CNDP2: variants seen among roughly 807,000 people sequenced by gnomAD.
The protein encoded by CNDP2 is cytosolic non-specific dipeptidase.
CNDP2 carries 38 observed loss-of-function variants against 55.0 expected under a neutral mutation model. The observed-to-expected ratio is 0.69, with a 90% CI of 0.53 to 0.90. The LOEUF is 0.90. CNDP2 is among the 40% of genes least tolerant of loss of function. CNDP2 has a pLI of 0.00. For missense variants in CNDP2, 607 were observed against 621.7 expected, an observed-to-expected ratio of 0.98 and a Z score of 0.25; for synonymous variants, 241 against 260.2, an observed-to-expected ratio of 0.93 and a Z score of 0.71.
At chr18:74,510,475 C>T (rs79005378) in intron 5 of CNDP2, among the ~76,000 whole-genome samples, 3,243 of 152,282 alleles carry the variant, frequency 0.021, 55 homozygotes, top group Non-Finnish European at 0.033. Context: ...CGCACCTCCT[C>T]GTGTCGGTGG....
intron 5 of CNDP2, among the ~76,000 whole-genome samples, chr18:74,510,606 C>T (rs1054539628): frequency 3.9e-5 from 6 of 152,180 alleles, no homozygotes; most frequent in African/African-American, 1.4e-4. Context: ...CCAGAGAGCC[C>T]CACCTTGCGA....
intron 10 of CNDP2, 124 bp from the exon 11 acceptor site, chr18:74,518,825 C>A: frequency 6.8e-7 from 1 of 1,472,924 alleles, no homozygotes; most frequent in Non-Finnish European, 9.3e-7. Context: ...ACCTTGAACG[C>A]GGGCTTGCTG....
At chr18:74,518,668 C>A (rs771247384) in intron 10 of CNDP2, 28 bp downstream of exon 10, 2 of 1,613,224 alleles carry the variant, frequency 1.2e-6, no homozygotes, top group Admixed American at 1.7e-5. Flanking sequence ...TGGATGATGC[C>A]GCGCAGGGCC....
At chr18:74,501,117 C>A in intron 2 of CNDP2, 1 of 1,077,208 alleles carries the variant, frequency 9.3e-7, no homozygotes, top group Non-Finnish European at 1.2e-6. Flanking sequence ...GAGTGTAAAA[C>A]AATATGAGAG....
Position 74,521,766 on chromosome 18 carries a change from A to G in CNDP2, c.*1698A>G, listed in dbSNP as rs1980061241. The G allele has an allele frequency of 1.3e-5, 2 of 152,206 alleles. No homozygotes were observed. The allele number at this position is 152,206 out of a possible 1,614,324, so 9.4% of individuals were successfully genotyped here. On this transcript the variant is annotated 3_prime_UTR_variant, in exon 12 of 12. Transcript: ENST00000324262. ...GAAGGTGGGAGATCAAAGCTGGAGC[A>G]CTTGCTGCTGCAGGTGAGACCCCTG...
rs1215854684 is a variant in CNDP2, at chr18:74,508,946, A to G, written c.456+18A>G. ...CAGGCCAGGTATGCCCCCCACGCTG[A>G]CTTCTGCCTGAGTCCTGGGTTCCAT... On this transcript the variant is annotated intron_variant, in intron 5 of 11. Transcript: ENST00000324262. 6.2e-7 allele frequency: 1 copy of G among 1,608,620 alleles called. No homozygotes were observed. The highest frequency in any genetic ancestry group is 2.2e-5 in the East Asian group (1 of 44,838).
intron 4 of CNDP2, among the ~76,000 whole-genome samples, chr18:74,506,729 T>C (rs1979048677): frequency 6.6e-6 from 1 of 152,238 alleles, no homozygotes; most frequent in African/African-American, 2.4e-5. Context: ...GCGATGTCCC[T>C]GTTATTCACC....
At chr18:74,508,004 G>A (rs1483964416) in intron 4 of CNDP2, 1 of 152,296 alleles carries the variant, frequency 6.6e-6, no homozygotes, top group African/African-American at 2.4e-5. Flanking sequence ...TTCCCCAGGT[G>A]GTGATGACTT....
At chr18:74,511,731 G>A (rs1163994619) in intron 6 of CNDP2, among the ~76,000 whole-genome samples, 13 of 151,226 alleles carry the variant, frequency 8.6e-5, no homozygotes, top group Admixed American at 4.0e-4. Flanking sequence ...AAGAGAAACC[G>A]AGGCAGCACC....
chr18:74,501,205 C>T (rs770358689), intron 2 of CNDP2, 124 bp from the exon 3 acceptor site: 5 of 1,461,130 alleles, frequency 3.4e-6, no homozygotes, highest in Non-Finnish European at 4.5e-6. Flanking sequence ...GTCCTATTTC[C>T]AATCAGCCTG....
At chr18:74,509,222 G>C (rs1370999396) in intron 5 of CNDP2, 1 of 394,724 alleles carries the variant, frequency 2.5e-6, no homozygotes, top group African/African-American at 2.0e-5. Context: ...GCCTGTCTCT[G>C]TGAGTGTGGT....
At chr18:74,501,191 G>A in intron 2 of CNDP2, 138 bp from the exon 3 acceptor site, 1 of 1,440,534 alleles carries the variant, frequency 6.9e-7, no homozygotes. Context: ...CACGTGATGG[G>A]TCTGTCCTAT....
rs1979479980 is a variant in CNDP2, at chr18:74,513,603, A to G, written c.787A>G (p.Asn263Asp). Residue 263 changes from asparagine to aspartate, a missense_variant, in exon 8 of 12, where the codon AAC becomes GAC. Physicochemically the swap from Asn to Asp is conservative, Grantham distance 23 (BLOSUM62 1). Coordinates refer to ENST00000324262, the MANE Select transcript of CNDP2 (RefSeq NM_018235.3). ...GGGGAACATCCTGATCCCCGGCATTAACGAGGCCGTGGCCGCCGTCACGGA... is the reference window on the plus strand; with the variant it reads ...GGGGAACATCCTGATCCCCGGCATTGACGAGGCCGTGGCCGCCGTCACGGA... ...KRGNILIPGI[N>D]EAVAAVTEEE... The G allele has an allele frequency of 1.2e-6, 2 of 1,613,938 alleles. No homozygotes were observed. Among genetic ancestry groups the G allele is most frequent in the African/African-American group, 2.7e-5 (2 of 75,054 alleles).
At chr18:74,502,726 C>T (rs1411428810) in intron 3 of CNDP2, among the ~76,000 whole-genome samples, 5 of 152,084 alleles carry the variant, frequency 3.3e-5, no homozygotes, top group South Asian at 2.1e-4. Flanking sequence ...TGGCTTATCT[C>T]GGTTCTTTGG....
At position 74,506,027 on chromosome 18, in the gene CNDP2, C is replaced by A. The variant is rs752625845; in HGVS notation, c.367+16C>A. On this transcript the variant is annotated intron_variant, in intron 4 of 11. Transcript: ENST00000324262. ...GAGCGAGACGGTGAGCGCCGCGCGCCTATGCGTGCCCAGAGGAAAGGCACT... is the reference window on the plus strand; with the variant it reads ...GAGCGAGACGGTGAGCGCCGCGCGCATATGCGTGCCCAGAGGAAAGGCACT... 2 of 1,549,212 alleles carry A rather than the reference C, an allele frequency of 1.3e-6. No homozygotes were observed. The highest frequency in any genetic ancestry group is 2.5e-5 in the South Asian group (2 of 81,284).
chr18:74,505,912 C>G lies in CNDP2; in HGVS notation c.268C>G (p.Gln90Glu). ...GCTCGGCAGGCTGGGCTCCGACCCA[C>G]AGAAGAAGACCGTGTGCATTTACGG... is the stretch of plus-strand genomic sequence containing the variant. ...ILLGRLGSDP[Q>E]KKTVCIYGHL... The change falls in exon 4 of 12, where the codon CAG (glutamine) becomes GAG (glutamate). Residue 90 changes from glutamine (Q) to glutamate (E), a missense_variant. Gln to Glu is a conservative substitution (Grantham distance 29, BLOSUM62 2). Coordinates refer to ENST00000324262, the MANE Select transcript of CNDP2 (RefSeq NM_018235.3). The G allele has an allele frequency of 6.2e-7, 1 of 1,612,112 alleles. No individual in the cohort carries two copies. Among genetic ancestry groups the G allele is most frequent in the Non-Finnish European group, 8.5e-7 (1 of 1,179,386 alleles).
chr18:74,519,656 A>C (rs1349370390), intron 11 of CNDP2, among the ~76,000 whole-genome samples: 1 of 152,194 alleles, frequency 6.6e-6, no homozygotes, highest in African/African-American at 2.4e-5. Flanking sequence ...CCCTGCAGGA[A>C]GGAGGGAGGG....
chr18:74,504,071 C>T lies in CNDP2; in HGVS notation c.205-1778C>T, dbSNP rs139290164. ...TGGGCGTCAGGCCATACACTGCACA[C>T]GCAGCCACAGTGCCGCTGGGACAAA... On this transcript the variant is annotated intron_variant, in intron 3 of 11. Coordinates refer to ENST00000324262, the MANE Select transcript of CNDP2 (RefSeq NM_018235.3). 6.4e-3 allele frequency among the ~76,000 whole-genome samples: 903 copies of T among 141,640 alleles called. 5 individuals are homozygous for T. The highest frequency in any genetic ancestry group is 0.025 in the African/African-American group (852 of 34,644). 92.9% of individuals were successfully genotyped at this position (141,640 alleles called of 152,430 possible).
chr18:74,501,597 A>T, intron 3 of CNDP2, 125 bp downstream of exon 3: 1 of 1,257,014 alleles, frequency 8.0e-7, no homozygotes, highest in Non-Finnish European at 1.1e-6. Flanking sequence ...AAAACAAAAA[A>T]GGAAGGGCCT....
Sources: allele counts gnomAD v4.1 joint callset (sites outside exome capture counted in the v4.1 genomes callset), GRCh38; gene constraint gnomAD v4.1.1; transcripts MANE v1.5; gene names NCBI Gene and HGNC (gene_info 2026-07-23, HGNC 2026-07-21).